PCDH15: variants seen among roughly 807,000 people sequenced by gnomAD.
PCDH15 encodes the protein protocadherin-15.
In PCDH15, 129 loss-of-function variants were observed where a neutral mutation model predicts 178.5. The observed-to-expected ratio is 0.72, with a 90% CI of 0.63 to 0.84. PCDH15 has a LOEUF of 0.84. Among genes scored for constraint, PCDH15 ranks in the 40% least tolerant of loss-of-function variants. The pLI is 0.00. For synonymous variants in PCDH15, 800 were observed against 732.0 expected, an observed-to-expected ratio of 1.09 and a Z score of -1.50; for missense variants, 2,230 against 2,099.9, an observed-to-expected ratio of 1.06 and a Z score of -1.21.
chr10:54,702,518 C>T (rs2095319213), intron 1 of PCDH15, among the ~76,000 whole-genome samples: 2 of 120,916 alleles, frequency 1.7e-5, no homozygotes, highest in African/African-American at 6.1e-5. Flanking sequence ...ACAAAGGGGA[C>T]ATTACTTCCA....
chr10:55,155,394 G>A (rs545419530), intron 2 of PCDH15, among the ~76,000 whole-genome samples: 1 of 150,298 alleles, frequency 6.7e-6, no homozygotes, highest in Admixed American at 6.7e-5. Context: ...GAGAAGAATG[G>A]GTGAAATTTA....
intron 3 of PCDH15, among the ~76,000 whole-genome samples, chr10:54,894,892 T>C (rs1954521369): frequency 6.6e-6 from 1 of 152,282 alleles, no homozygotes; most frequent in East Asian, 1.9e-4. Flanking sequence ...GAATACCAAA[T>C]GTAACCAACA....
chr10:54,815,964 A>G (rs1952943580), intron 3 of PCDH15, among the ~76,000 whole-genome samples: 1 of 152,110 alleles, frequency 6.6e-6, no homozygotes, highest in Non-Finnish European at 1.5e-5. Context: ...CTGTTATTTT[A>G]TCAGTATGTC....
At chr10:54,099,366 G>C (rs970823939) in intron 15 of PCDH15, among the ~76,000 whole-genome samples, 28 of 151,754 alleles carry the variant, frequency 1.8e-4, no homozygotes, top group African/African-American at 6.5e-4. Flanking sequence ...TAGGCATGGT[G>C]GTGGGCGCCT....
intron 3 of PCDH15, among the ~76,000 whole-genome samples, chr10:54,843,302 A>G (rs892044141): frequency 6.6e-6 from 1 of 151,888 alleles, no homozygotes; most frequent in African/African-American, 2.4e-5. Context: ...AAACAAAGGT[A>G]CCTCCTATAT....
intron 3 of PCDH15, among the ~76,000 whole-genome samples, chr10:54,834,920 T>C (rs913879352): frequency 6.6e-6 from 1 of 152,182 alleles, no homozygotes; most frequent in Non-Finnish European, 1.5e-5. Flanking sequence ...ACAGCACCCA[T>C]TGTATTTTTA....
At chr10:55,204,764 A>G (rs1457310392) in intron 1 of PCDH15, among the ~76,000 whole-genome samples, 1 of 152,074 alleles carries the variant, frequency 6.6e-6, no homozygotes, top group East Asian at 1.9e-4. Context: ...TCAAGGACTC[A>G]GACTGTCATA....
chr10:55,328,663 A>C (rs965960383), intron 2 of PCDH15, among the ~76,000 whole-genome samples: 4 of 151,448 alleles, frequency 2.6e-5, no homozygotes, highest in Admixed American at 1.3e-4. Flanking sequence ...AGGGGAAAAA[A>C]AACCCTGTGT....
chr10:54,146,987 TATA>T (rs1446075651), intron 14 of PCDH15, among the ~76,000 whole-genome samples: 2 of 146,746 alleles, frequency 1.4e-5, no homozygotes, highest in Admixed American at 6.9e-5. Flanking sequence ...TGTATATATA[TATA>T]ATGTATATAT....
intron 2 of PCDH15, among the ~76,000 whole-genome samples, chr10:55,062,200 AT>A (rs999108658): frequency 3.5e-4 from 53 of 152,164 alleles, no homozygotes; most frequent in African/African-American, 1.2e-3. Flanking sequence ...GCTCTCATGA[AT>A]GGGATTAGTG....
At chr10:55,203,336 T>C (rs1840306989) in intron 1 of PCDH15, among the ~76,000 whole-genome samples, 1 of 152,136 alleles carries the variant, frequency 6.6e-6, no homozygotes, top group Admixed American at 6.5e-5. Context: ...AACAATATTA[T>C]GAGTTCTGAT....
intron 8 of PCDH15, among the ~76,000 whole-genome samples, chr10:54,259,221 A>C (rs1485547649): frequency 2.6e-5 from 4 of 152,210 alleles, no homozygotes; most frequent in Non-Finnish European, 5.9e-5. Flanking sequence ...CAGCCTTGAA[A>C]AGAAAATTGC....
intron 21 of PCDH15, among the ~76,000 whole-genome samples, chr10:53,981,438 C>A (rs2090628630): frequency 6.6e-6 from 1 of 152,088 alleles, no homozygotes; most frequent in Admixed American, 6.6e-5. Flanking sequence ...GCTACAGTAA[C>A]CAAAACAGCA....
rs1588919750 is a variant in PCDH15 at position 55,329,731 on chromosome 10, C to T, written c.-155-163080G>A. On this transcript the variant is annotated intron_variant, in intron 2 of 5. Transcript: ENST00000613346. Reference sequence around the variant, plus strand: ...GAGATTTGTGTATAATTTTGAGATGCCAACCAATAATATAGGTTCTAAGAA... The same window carrying T: ...GAGATTTGTGTATAATTTTGAGATGTCAACCAATAATATAGGTTCTAAGAA... Among the ~76,000 whole-genome samples the T allele has an allele frequency of 3.3e-5, 5 of 151,706 alleles. No individual in the cohort carries two copies. The South Asian group carries it at 1.0e-3, about 32-fold the overall frequency.
chr10:54,160,827 G>A (rs2045633327), intron 13 of PCDH15, among the ~76,000 whole-genome samples: 2 of 152,138 alleles, frequency 1.3e-5, no homozygotes, highest in South Asian at 2.1e-4. Flanking sequence ...TTGTCATTAA[G>A]GGAACACAAA....
At chr10:53,957,286 T>C (rs911431427) in intron 23 of PCDH15, among the ~76,000 whole-genome samples, 1 of 152,182 alleles carries the variant, frequency 6.6e-6, no homozygotes, top group Non-Finnish European at 1.5e-5. Flanking sequence ...AGACTAAGTA[T>C]ATTTTTTGAG....
intron 2 of PCDH15, among the ~76,000 whole-genome samples, chr10:55,337,319 C>T (rs1844421606): frequency 6.6e-6 from 1 of 152,142 alleles, no homozygotes; most frequent in Admixed American, 6.6e-5. Flanking sequence ...TCTGTAATGT[C>T]ACATAACAGC....
At chr10:55,523,026 T>G (rs545571540) in intron 2 of PCDH15, among the ~76,000 whole-genome samples, 1 of 151,830 alleles carries the variant, frequency 6.6e-6, no homozygotes, top group African/African-American at 2.4e-5. Context: ...ACATAGTTAT[T>G]ACAGTCTATT....
intron 10 of PCDH15, among the ~76,000 whole-genome samples, chr10:54,205,196 A>G (rs1376779912): frequency 6.6e-6 from 1 of 152,116 alleles, no homozygotes; most frequent in Non-Finnish European, 1.5e-5. Flanking sequence ...CAGTTGGATC[A>G]GGCATTTTAG....
Sources: gnomAD v4.1 joint callset for allele counts (sites outside exome capture counted in the v4.1 genomes callset) on GRCh38, gnomAD v4.1.1 for gene constraint, MANE v1.5 for transcripts, NCBI Gene and HGNC (gene_info 2026-07-23, HGNC 2026-07-21) for gene names.